Variants in CENPW observed in about 807,000 individuals in gnomAD.
CENPW encodes the protein cancer-up-regulated gene 2 protein.
A neutral mutation model predicts 11.1 loss-of-function variants in CENPW; 3 were observed. The ratio of observed to expected loss-of-function variants is 0.27; its 90% confidence interval spans 0.12 to 0.70. The LOEUF (loss-of-function observed/expected upper bound fraction) is 0.70. Among genes scored for constraint, CENPW ranks in the 30% least tolerant of loss-of-function variants. The pLI is 0.77. For missense variants in CENPW, 100 were observed against 105.6 expected (o/e 0.95, Z 0.23); for synonymous variants, 38 against 42.0 (o/e 0.91, Z 0.37).
the CENPW span, among the ~76,000 whole-genome samples, chr6:126,464,709 T>C: frequency 2.0e-5 from 3 of 152,120 alleles, no homozygotes; most frequent in African/African-American, 7.2e-5. Flanking sequence ...ACTTTTGCGA[T>C]TTTGGGACTT....
the CENPW span, among the ~76,000 whole-genome samples, chr6:126,466,002 C>G: frequency 1.3e-5 from 2 of 151,938 alleles, no homozygotes; most frequent in African/African-American, 2.4e-5. Context: ...TTAGTTGTTA[C>G]GGGTTCTAGG....
the CENPW span, among the ~76,000 whole-genome samples, chr6:126,469,469 G>C: frequency 1.2e-4 from 19 of 152,310 alleles, no homozygotes; most frequent in African/African-American, 4.6e-4. Flanking sequence ...CTTTATAGCA[G>C]TGTGAAAACA....
chr6:126,399,603 TTTTA>T, the CENPW span, among the ~76,000 whole-genome samples: 2 of 152,116 alleles, frequency 1.3e-5, no homozygotes, highest in Non-Finnish European at 2.9e-5. Flanking sequence ...TATACACAAT[TTTTA>T]TTTGTCAATT....
At chr6:126,352,240 CTG>C (rs1780500305), downstream of CENPW, among the ~76,000 whole-genome samples, 2 of 152,130 alleles carry the variant, frequency 1.3e-5, no homozygotes, top group Non-Finnish European at 2.9e-5. Flanking sequence ...GCAGCAAATA[CTG>C]TGTCCTGCAA....
chr6:126,410,225 AT>A, the CENPW span, among the ~76,000 whole-genome samples: 1 of 152,118 alleles, frequency 6.6e-6, no homozygotes, highest in Non-Finnish European at 1.5e-5. Flanking sequence ...TCTGAGAAAG[AT>A]TTTATTTCTT....
At chr6:126,431,926 G>C in the CENPW span, among the ~76,000 whole-genome samples, 1 of 151,778 alleles carries the variant, frequency 6.6e-6, no homozygotes, top group Non-Finnish European at 1.5e-5. Context: ...TTAGCTGGGT[G>C]TGGTGGTGCA....
chr6:126,434,390 T>G, the CENPW span, among the ~76,000 whole-genome samples: 2 of 152,012 alleles, frequency 1.3e-5, no homozygotes, highest in Non-Finnish European at 2.9e-5. Context: ...TAACCAATAA[T>G]CATTTAAAAA....
the CENPW span, among the ~76,000 whole-genome samples, chr6:126,390,796 C>A: frequency 2.0e-5 from 3 of 151,920 alleles, no homozygotes; most frequent in African/African-American, 7.2e-5. Context: ...TCACAAATGA[C>A]GTGATCTTAT....
At chr6:126,457,162 G>T in the CENPW span, among the ~76,000 whole-genome samples, 2 of 151,154 alleles carry the variant, frequency 1.3e-5, no homozygotes, top group Admixed American at 6.6e-5. Flanking sequence ...AAAAAAAATT[G>T]CTATTTGACC....
At chr6:126,352,281 CAGA>C (rs1454509016), downstream of CENPW, among the ~76,000 whole-genome samples, 1 of 152,138 alleles carries the variant, frequency 6.6e-6, no homozygotes, top group Non-Finnish European at 1.5e-5. Context: ...TGACCCTTTA[CAGA>C]AGAAGTTTGC....
the CENPW span, among the ~76,000 whole-genome samples, chr6:126,416,083 A>C: frequency 1.3e-5 from 2 of 152,214 alleles, no homozygotes; most frequent in African/African-American, 4.8e-5. Context: ...TATGCTGATA[A>C]TGATACGGAC....
At chr6:126,482,819 T>C in the CENPW span, among the ~76,000 whole-genome samples, 1 of 152,028 alleles carries the variant, frequency 6.6e-6, no homozygotes, top group Admixed American at 6.6e-5. Context: ...TAATATTTTC[T>C]TGACTATATA....
At chr6:126,457,758 T>C in the CENPW span, among the ~76,000 whole-genome samples, 1 of 151,272 alleles carries the variant, frequency 6.6e-6, no homozygotes, top group Non-Finnish European at 1.5e-5. Flanking sequence ...AAAAGCAAAA[T>C]GGCTTATTGA....
At chr6:126,416,666 C>G in the CENPW span, among the ~76,000 whole-genome samples, 1 of 152,118 alleles carries the variant, frequency 6.6e-6, no homozygotes, top group Non-Finnish European at 1.5e-5. Context: ...AGAGGTCAGG[C>G]CATGGCTTCA....
At chr6:126,470,548 G>A in the CENPW span, among the ~76,000 whole-genome samples, 1 of 152,228 alleles carries the variant, frequency 6.6e-6, no homozygotes, top group South Asian at 2.1e-4. Context: ...TGCCATTGGG[G>A]CACTGCCTAG....
the CENPW span, among the ~76,000 whole-genome samples, chr6:126,467,233 C>T: frequency 6.6e-6 from 1 of 152,112 alleles, no homozygotes; most frequent in East Asian, 1.9e-4. Flanking sequence ...AGTTACCAGA[C>T]TTCCAACTAT....
At chr6:126,362,621 C>T in the CENPW span, among the ~76,000 whole-genome samples, 2 of 152,180 alleles carry the variant, frequency 1.3e-5, no homozygotes, top group Non-Finnish European at 2.9e-5. Context: ...TCTTGTCCCC[C>T]ACCTTGATTA....
chr6:126,419,863 T>C, the CENPW span, among the ~76,000 whole-genome samples: 2 of 152,176 alleles, frequency 1.3e-5, no homozygotes, highest in Non-Finnish European at 2.9e-5. Context: ...CTAATGATTA[T>C]ATTGAGTCAA....
the CENPW span, among the ~76,000 whole-genome samples, chr6:126,435,687 T>C: frequency 6.6e-6 from 1 of 151,898 alleles, no homozygotes. Context: ...TATTCCAATT[T>C]TACTGCTTAA....
Sources: allele counts gnomAD v4.1 joint callset (sites outside exome capture counted in the v4.1 genomes callset), GRCh38; gene constraint gnomAD v4.1.1; transcripts MANE v1.5; gene names NCBI Gene and HGNC (gene_info 2026-07-23, HGNC 2026-07-21).